DNAJC19: variants seen among roughly 807,000 people sequenced by gnomAD.
DNAJC19 encodes mitochondrial import inner membrane translocase subunit TIM14.
A neutral mutation model predicts 19.8 loss-of-function variants in DNAJC19; 15 were observed. The ratio of observed to expected loss-of-function variants is 0.76; its 90% CI spans 0.51 to 1.17. The LOEUF is 1.17. Among genes scored for constraint, DNAJC19 ranks in the 50% most tolerant of loss-of-function variants. The probability of loss-of-function intolerance (pLI) is 0.00; values close to 1 mark genes in which losing one functional copy is unlikely to be tolerated. For missense variants in DNAJC19, 105 were observed against 140.9 expected, an observed-to-expected ratio of 0.75 and a Z score of 1.29; for synonymous variants, 38 against 42.1, an observed-to-expected ratio of 0.90 and a Z score of 0.38.
rs1018541593 is a variant in DNAJC19, at chr3:180,987,323, C to T, written c.130-301G>A. The T allele has an allele frequency of 5.6e-5, 21 of 375,876 alleles. No individual in the cohort carries two copies. The South Asian group carries it at 6.2e-4, about 11-fold the overall frequency. 23.3% of individuals were successfully genotyped at this position (375,876 alleles called of 1,614,324 possible). A position where few individuals can be genotyped will look rare whatever the true frequency, so the allele number is the denominator to read the frequency against. On this transcript the variant is annotated intron_variant, in intron 3 of 5. Coordinates refer to ENST00000382564, the MANE Select transcript of DNAJC19 (RefSeq NM_145261.4). The stretch of plus-strand genomic sequence containing the variant: ...TCCGGGAGTAAAGGAAAGATCATTC[C>T]AAATTAGCCATATTCTAGATAAAAA...
intron 1 of DNAJC19, chr3:180,989,324 C>A: frequency 7.1e-7 from 1 of 1,412,394 alleles, no homozygotes; most frequent in Non-Finnish European, 9.2e-7. Flanking sequence ...TCCATGACAG[C>A]CTCTGACCTT....
In DNAJC19 at chr3:180,983,993, G is replaced by C; in HGVS notation, c.*647C>G. 2.2e-6 allele frequency: 1 copy of C among 453,948 alleles called. No homozygotes were observed. The highest frequency in any genetic ancestry group is 1.6e-5 in the South Asian group (1 of 64,472). The allele number at this position is 453,948 out of a possible 1,614,324, so 28.1% of individuals were successfully genotyped here. A position where few individuals can be genotyped will look rare whatever the true frequency, so the allele number is the denominator to read the frequency against. ...CGGGAGGACTGCTTAAACCCAGGAG[G>C]TTGAGGCTGCAATGAACTGTGATTG... On this transcript the variant is annotated 3_prime_UTR_variant, in exon 6 of 6. Coordinates refer to ENST00000382564, the MANE Select transcript of DNAJC19 (RefSeq NM_145261.4).
At position 180,984,403 on chromosome 3, in the gene DNAJC19, A is replaced by C. The variant is rs548246397; in HGVS notation, c.*237T>G. 9.3e-6 allele frequency: 5 copies of C among 537,798 alleles called. No individual in the cohort carries two copies. The highest frequency in any genetic ancestry group is 4.4e-5 in the Admixed American group (2 of 45,016). The allele number at this position is 537,798 out of a possible 1,614,324, so 33.3% of individuals were successfully genotyped here. On this transcript the variant is annotated 3_prime_UTR_variant, in exon 6 of 6. Transcript: ENST00000382564. ...GTCCCAAATTATCTGCTAAATGAGTAATGAACAATATTTCTATTCAGAAGG... is the reference window on the plus strand; with the variant it reads ...GTCCCAAATTATCTGCTAAATGAGTCATGAACAATATTTCTATTCAGAAGG...
Position 180,987,684 on chromosome 3 carries a change from T to C in DNAJC19, c.129+339A>G, listed in dbSNP as rs1714981614. ...GGCCACATGGTCAGATCGGATCACT[T>C]TAGAATCATATACCTCTGTGTGTGC... On this transcript the variant is annotated intron_variant, in intron 3 of 5. Coordinates refer to ENST00000382564, the MANE Select transcript of DNAJC19 (RefSeq NM_145261.4). 1.3e-5 allele frequency: 5 copies of C among 370,968 alleles called. No individual in the cohort carries two copies. The East Asian group carries it at 2.0e-4, about 15-fold the overall frequency. The allele number at this position is 370,968 out of a possible 1,614,324, so 23.0% of individuals were successfully genotyped here.
intron 4 of DNAJC19, chr3:180,986,506 T>C: frequency 5.0e-6 from 1 of 201,340 alleles, no homozygotes; most frequent in Non-Finnish European, 1.0e-5. Context: ...GGTCTTGAAC[T>C]CCTGACCTCA....
rs1714750272 is a variant in DNAJC19 at position 180,983,937 on chromosome 3, C to T, written c.*703G>A. 1 of 453,896 alleles carries T rather than the reference C, an allele frequency of 2.2e-6. No individual in the cohort carries two copies. The highest frequency in any genetic ancestry group is 2.0e-5 in the African/African-American group (1 of 49,978). 28.1% of individuals were successfully genotyped at this position (453,896 alleles called of 1,614,324 possible). Reference sequence around the variant, plus strand: ...GCTGAATACAATGTAAATACTCATGCCTGTAATCCCAGTACTTTGGGAGGC... The same window carrying T: ...GCTGAATACAATGTAAATACTCATGTCTGTAATCCCAGTACTTTGGGAGGC... On this transcript the variant is annotated 3_prime_UTR_variant, in exon 6 of 6. Coordinates refer to ENST00000382564, the MANE Select transcript of DNAJC19 (RefSeq NM_145261.4).
At chr3:180,986,402 C>T (rs1302241721) in intron 4 of DNAJC19, among the ~76,000 whole-genome samples, 1 of 152,038 alleles carries the variant, frequency 6.6e-6, no homozygotes, top group Non-Finnish European at 1.5e-5. Flanking sequence ...CTGCCTCAGC[C>T]TTCCGAGTAG....
chr3:180,988,106 A>C lies in DNAJC19; in HGVS notation c.56-10T>G. The stretch of plus-strand genomic sequence containing the variant: ...TGCAAAACGTAACGGCCTAAAACCA[A>C]AAGCAACAGAATAAGTAAACTAAAT... On this transcript the variant is annotated splice_polypyrimidine_tract_variant and intron_variant, in intron 2 of 5. Coordinates refer to ENST00000382564, the MANE Select transcript of DNAJC19 (RefSeq NM_145261.4). The C allele has an allele frequency of 2.5e-6, 4 of 1,614,212 alleles. No homozygotes were observed. Among genetic ancestry groups the C allele is most frequent in the Non-Finnish European group, 3.4e-6 (4 of 1,180,040 alleles).
rs1714783820 is a variant in DNAJC19 at position 180,984,399 on chromosome 3, G to A, written c.*241C>T. ...ATAGGTCCCAAATTATCTGCTAAAT[G>A]AGTAATGAACAATATTTCTATTCAG... is the stretch of plus-strand genomic sequence containing the variant. On this transcript the variant is annotated 3_prime_UTR_variant, in exon 6 of 6. Coordinates refer to ENST00000382564, the MANE Select transcript of DNAJC19 (RefSeq NM_145261.4). 2 of 531,066 alleles carry A rather than the reference G, an allele frequency of 3.8e-6. No individual in the cohort carries two copies. Among genetic ancestry groups the A allele is most frequent in the South Asian group, 3.1e-5 (2 of 65,098 alleles). 32.9% of individuals were successfully genotyped at this position (531,066 alleles called of 1,614,324 possible). A position where few individuals can be genotyped will look rare whatever the true frequency, so the allele number is the denominator to read the frequency against.
rs1257343314 is a variant in DNAJC19, at chr3:180,989,487, C to T, written c.3+113G>A. On this transcript the variant is annotated intron_variant, in intron 1 of 5. Transcript: ENST00000382564. ...TGTGACTCCCCAATAACCGAAACCT[C>T]CCGCCCGCAGTCGCACTAAGGAGCA... 8.4e-6 allele frequency: 13 copies of T among 1,541,620 alleles called. 1 individual carries two copies. The Admixed American group carries it at 2.6e-4, about 30-fold the overall frequency.
At chr3:180,987,958 T>A in intron 3 of DNAJC19, 65 bp downstream of exon 3, 1 of 1,579,888 alleles carries the variant, frequency 6.3e-7, no homozygotes, top group Non-Finnish European at 8.7e-7. Flanking sequence ...ATTTGGAAAT[T>A]TACCCTTCCC....
chr3:180,986,385 G>C (rs1050709241), intron 4 of DNAJC19, among the ~76,000 whole-genome samples: 3 of 151,482 alleles, frequency 2.0e-5, no homozygotes, highest in African/African-American at 7.3e-5. Flanking sequence ...GGGTTCAAGC[G>C]ATTCTCCTGC....
chr3:180,989,599 C>T lies in DNAJC19; in HGVS notation c.3+1G>A. 6.3e-7 allele frequency: 1 copy of T among 1,587,464 alleles called. No individual in the cohort carries two copies. The highest frequency in any genetic ancestry group is 1.3e-5 in the African/African-American group (1 of 74,608). On this transcript the variant is annotated splice_donor_variant, in intron 1 of 5. Transcript: ENST00000382564. LOFTEE classifies it high-confidence loss of function. ...CAAGAAGACCGGAAGGCCGCACTCA[C>T]CATGGCTCCGGCTGGGCTCCCTTGC...
At chr3:180,988,378 A>G in intron 1 of DNAJC19, 149 bp from the exon 2 acceptor site, 1 of 898,286 alleles carries the variant, frequency 1.1e-6, no homozygotes, top group South Asian at 1.7e-5. Context: ...TTTTTAAGAG[A>G]CGGAGTCTTG....
rs1714941468 is a variant in DNAJC19 at position 180,986,954 on chromosome 3, T to C, written c.198A>G (p.Ile66Met). The change falls in exon 4 of 6, where the codon ATA becomes ATG. Residue 66 changes from isoleucine to methionine, a missense_variant. Physicochemically the swap from Ile to Met is conservative, Grantham distance 10 (BLOSUM62 1). Transcript: ENST00000382564. The stretch of plus-strand genomic sequence containing the variant: ...AGAGATTATTTTACCTTACACCTAG[T>C]ATTAATGCTGCTTCCCGTTTTGTCA... ...PKMTKREAAL[I>M]LGVSPTANKG... 1.9e-5 allele frequency: 31 copies of C among 1,613,592 alleles called. No homozygotes were observed. The highest frequency in any genetic ancestry group is 2.5e-5 in the Non-Finnish European group (30 of 1,179,560).
rs768968975 is a variant in DNAJC19 at position 180,983,934 on chromosome 3, A to C, written c.*706T>G. The C allele has an allele frequency of 4.6e-5, 21 of 453,958 alleles. No homozygotes were observed. The highest frequency in any genetic ancestry group is 6.8e-4 in the Middle Eastern group (1 of 1,466). 28.1% of individuals were successfully genotyped at this position (453,958 alleles called of 1,614,324 possible). A position where few individuals can be genotyped will look rare whatever the true frequency, so the allele number is the denominator to read the frequency against. ...CTAGCTGAATACAATGTAAATACTCATGCCTGTAATCCCAGTACTTTGGGA... is the reference window on the plus strand; with the variant it reads ...CTAGCTGAATACAATGTAAATACTCCTGCCTGTAATCCCAGTACTTTGGGA... On this transcript the variant is annotated 3_prime_UTR_variant, in exon 6 of 6. Transcript: ENST00000382564.
At chr3:180,988,441 T>C (rs1303015388) in intron 1 of DNAJC19, among the ~76,000 whole-genome samples, 3 of 151,254 alleles carry the variant, frequency 2.0e-5, no homozygotes, top group African/African-American at 7.3e-5. Context: ...TCCTCCCACC[T>C]TGGCCTCCCA....
In DNAJC19 at chr3:180,989,736, C is replaced by A; in HGVS notation, c.-134G>T. On this transcript the variant is annotated 5_prime_UTR_variant, in exon 1 of 6. Coordinates refer to ENST00000382564, the MANE Select transcript of DNAJC19 (RefSeq NM_145261.4). The stretch of plus-strand genomic sequence containing the variant: ...TCAAGCACAGGCGCCCTACGCAACA[C>A]GGCAGGAGCAGCCGCAAACTAGGCC... 6.9e-7 allele frequency: 1 copy of A among 1,452,574 alleles called. No individual in the cohort carries two copies. The highest frequency in any genetic ancestry group is 9.4e-7 in the Non-Finnish European group (1 of 1,066,238). 90.0% of individuals were successfully genotyped at this position (1,452,574 alleles called of 1,614,324 possible).
intron 1 of DNAJC19, 125 bp from the exon 2 acceptor site, chr3:180,988,354 T>A (rs1238606644): frequency 4.4e-4 from 75 of 172,098 alleles, no homozygotes; most frequent in Middle Eastern, 2.2e-3. Context: ...TTTTTTTTTC[T>A]TTTTTTTTTT....
Sources: gnomAD v4.1 joint callset for allele counts (sites outside exome capture counted in the v4.1 genomes callset) on GRCh38, gnomAD v4.1.1 for gene constraint, MANE v1.5 for transcripts, NCBI Gene and HGNC (gene_info 2026-07-23, HGNC 2026-07-21) for gene names.